The following EPO variants were observed in gnomAD, a reference collection of about 807,000 sequenced individuals.
EPO encodes epoetin.
Under a neutral mutation model 24.4 loss-of-function variants are expected in EPO, and 12 were observed. The observed-to-expected ratio is 0.49, with a 90% CI of 0.32 to 0.80. EPO has a LOEUF of 0.80. Among genes scored for constraint, EPO ranks in the 30% least tolerant of loss-of-function variants. The probability of loss-of-function intolerance (pLI) is 0.04; values close to 1 mark genes in which losing one functional copy is unlikely to be tolerated. For synonymous variants in EPO, 107 were observed against 104.0 expected (o/e 1.03, Z -0.18); for missense variants, 210 against 238.0 (o/e 0.88, Z 0.77).
In EPO at chr7:100,720,767, C is replaced by T. The variant is rs967188034; in HGVS notation, c.-214C>T. The T allele has an allele frequency of 6.3e-6, 3 of 472,690 alleles. No homozygotes were observed. The highest frequency in any genetic ancestry group is 2.0e-5 in the African/African-American group (1 of 49,176). 29.3% of individuals were successfully genotyped at this position (472,690 alleles called of 1,614,324 possible). A position where few individuals can be genotyped will look rare whatever the true frequency, so the allele number is the denominator to read the frequency against. ...CGCAGAGTCCCTGGGCCACCCCGGCCGCTCGCTGCGCTGCGCCGCACCGCG... is the reference window on the plus strand; with the variant it reads ...CGCAGAGTCCCTGGGCCACCCCGGCTGCTCGCTGCGCTGCGCCGCACCGCG... On this transcript the variant is annotated 5_prime_UTR_variant, in exon 1 of 5. Coordinates refer to ENST00000252723, the MANE Select transcript of EPO (RefSeq NM_000799.4).
In EPO at chr7:100,720,738, G is replaced by A; in HGVS notation, c.-243G>A. The stretch of plus-strand genomic sequence containing the variant: ...AGATAACAGCCCCGACCCCCGGCCA[G>A]AGCCGCAGAGTCCCTGGGCCACCCC... On this transcript the variant is annotated 5_prime_UTR_variant, in exon 1 of 5. Coordinates refer to ENST00000252723, the MANE Select transcript of EPO (RefSeq NM_000799.4). The A allele has an allele frequency of 2.8e-6, 1 of 353,564 alleles. No individual in the cohort carries two copies. Among genetic ancestry groups the A allele is most frequent in the Non-Finnish European group, 4.9e-6 (1 of 202,918 alleles). 21.9% of individuals were successfully genotyped at this position (353,564 alleles called of 1,614,324 possible).
Position 100,723,394 on chromosome 7 carries a change from C to T in EPO, c.*261C>T. The T allele has an allele frequency of 2.5e-6, 1 of 405,762 alleles. No individual in the cohort carries two copies. The highest frequency in any genetic ancestry group is 4.4e-6 in the Non-Finnish European group (1 of 225,362). 25.1% of individuals were successfully genotyped at this position (405,762 alleles called of 1,614,324 possible). A position where few individuals can be genotyped will look rare whatever the true frequency, so the allele number is the denominator to read the frequency against. On this transcript the variant is annotated 3_prime_UTR_variant, in exon 5 of 5. Transcript: ENST00000252723. The stretch of plus-strand genomic sequence containing the variant: ...CAGAGAGCAGCTTTAAACTCAGGGA[C>T]AGAGCCATGCTGGGAAGACGCCTGA...
rs1295845727 is a variant in EPO, at chr7:100,722,719, T to C, written c.302T>C (p.Val101Ala). 1.2e-6 allele frequency: 2 copies of C among 1,613,228 alleles called. No individual in the cohort carries two copies. The highest frequency in any genetic ancestry group is 1.7e-6 in the Non-Finnish European group (2 of 1,179,938). ...WQGLALLSEA[V>A]LRGQALLVNS... ...GGCCTGGCCCTGCTGTCGGAAGCTG[T>C]CCTGCGGGGCCAGGCCCTGTTGGTC... The change falls in exon 4 of 5, where the codon GTC becomes GCC. Residue 101 changes from valine (V) to alanine (A), a missense_variant. Val to Ala is a moderately conservative substitution (Grantham distance 64). Coordinates refer to ENST00000252723, the MANE Select transcript of EPO (RefSeq NM_000799.4).
rs1584530955 is a variant in EPO, at chr7:100,721,429, C to T, written c.14-129C>T. Reference sequence around the variant, plus strand: ...TTGAATGAAGGCCAGGGAGGCAGCACCTGAGTGCTTGCATGGTTGGGGACA... The same window carrying T: ...TTGAATGAAGGCCAGGGAGGCAGCATCTGAGTGCTTGCATGGTTGGGGACA... On this transcript the variant is annotated intron_variant, in intron 1 of 4. Coordinates refer to ENST00000252723, the MANE Select transcript of EPO (RefSeq NM_000799.4). This position sits in a 1 kb window ranked among gnomAD's most constrained non-coding sequence, Gnocchi z 4.0. 4.2e-5 allele frequency: 52 copies of T among 1,249,780 alleles called. 1 individual carries two copies. Among genetic ancestry groups the T allele is most frequent in the South Asian group, 3.4e-4 (23 of 67,900 alleles). The allele number at this position is 1,249,780 out of a possible 1,614,324, so 77.4% of individuals were successfully genotyped here. A position where few individuals can be genotyped will look rare whatever the true frequency, so the allele number is the denominator to read the frequency against.
Position 100,721,491 on chromosome 7 carries a change from G to T in EPO, c.14-67G>T, listed in dbSNP as rs1806738939. The T allele has an allele frequency of 6.4e-7, 1 of 1,569,976 alleles. No individual in the cohort carries two copies. Among genetic ancestry groups the T allele is most frequent in the African/African-American group, 1.3e-5 (1 of 74,162 alleles). On this transcript the variant is annotated intron_variant, in intron 1 of 4. Coordinates refer to ENST00000252723, the MANE Select transcript of EPO (RefSeq NM_000799.4). The surrounding 1 kb of genome is among the most constrained non-coding windows in gnomAD (Gnocchi z 4.0). The stretch of plus-strand genomic sequence containing the variant: ...CTGGGGCAGAGACGTGGGGATGAAG[G>T]AAGCTGTCCTTCCACAGCCACCCTT...
At position 100,721,679 on chromosome 7, in the gene EPO, G is replaced by A; in HGVS notation, c.135G>A (p.Glu45=). 1.2e-6 allele frequency: 2 copies of A among 1,611,474 alleles called. No individual in the cohort carries two copies. The highest frequency in any genetic ancestry group is 1.7e-6 in the Non-Finnish European group (2 of 1,179,966). The change falls in exon 2 of 5, where the codon GAG becomes GAA. Residue 45 remains glutamate (E), a synonymous_variant. Coordinates refer to ENST00000252723, the MANE Select transcript of EPO (RefSeq NM_000799.4). This position sits in a 1 kb window ranked among gnomAD's most constrained non-coding sequence, Gnocchi z 4.0. ...GAGTCCTGGAGAGGTACCTCTTGGA[G>A]GCCAAGGAGGCCGAGAATATCACGG... ...DSRVLERYLL[E]AKEAENITTG...
chr7:100,722,142 A>G (rs989936305), intron 3 of EPO, 94 bp downstream of exon 3: 17 of 1,202,586 alleles, frequency 1.4e-5, no homozygotes, highest in Middle Eastern at 2.0e-4. Context: ...AGGGAAAGGT[A>G]AAATGGAGCA....
Position 100,723,101 on chromosome 7 carries a change from A to G in EPO, c.550A>G (p.Thr184Ala). ...NFLRGKLKLYTGEACRTGDR is the reference protein window; with the variant it reads ...NFLRGKLKLYAGEACRTGDR ...CCTCCGGGGAAAGCTGAAGCTGTAC[A>G]CAGGGGAGGCCTGCAGGACAGGGGA... Residue 184 changes from threonine to alanine, a missense_variant, in exon 5 of 5, where the codon ACA (threonine) becomes GCA (alanine). Transcript: ENST00000252723. 6.2e-7 allele frequency: 1 copy of G among 1,614,104 alleles called. No homozygotes were observed. The highest frequency in any genetic ancestry group is 2.2e-5 in the East Asian group (1 of 44,868).
chr7:100,721,914 G>T lies in EPO; in HGVS notation c.160-48G>T, dbSNP rs570479773. ...CAGATCCTACGGCCTGTGGGCCAGGGCCAGAGCCTTCAGGGACCCTTGACT... is the reference window on the plus strand; with the variant it reads ...CAGATCCTACGGCCTGTGGGCCAGGTCCAGAGCCTTCAGGGACCCTTGACT... On this transcript the variant is annotated intron_variant, in intron 2 of 4. Coordinates refer to ENST00000252723, the MANE Select transcript of EPO (RefSeq NM_000799.4). This position sits in a 1 kb window ranked among gnomAD's most constrained non-coding sequence, Gnocchi z 4.0. 8.9e-6 allele frequency: 14 copies of T among 1,581,776 alleles called. No individual in the cohort carries two copies. Among genetic ancestry groups the T allele is most frequent in the Non-Finnish European group, 1.1e-5 (13 of 1,167,238 alleles).
At position 100,723,124 on chromosome 7, in the gene EPO, G is replaced by A. The variant is rs776269617; in HGVS notation, c.573G>A (p.Gly191=). Residue 191 remains glycine, a synonymous_variant, in exon 5 of 5, where the codon GGG becomes GGA. Transcript: ENST00000252723. The part of the protein sequence containing the change: ...KLYTGEACRT[G]DR ...ACACAGGGGAGGCCTGCAGGACAGGGGACAGATGACCAGGTGTGTCCACCT... is the reference window on the plus strand; with the variant it reads ...ACACAGGGGAGGCCTGCAGGACAGGAGACAGATGACCAGGTGTGTCCACCT... The A allele has an allele frequency of 5.0e-6, 8 of 1,613,676 alleles. No individual in the cohort carries two copies. In the East Asian group the frequency reaches 1.3e-4, roughly 27 times the overall value.
chr7:100,720,531 C>T lies in EPO; in HGVS notation c.-450C>T, dbSNP rs147801087. On this transcript the variant is annotated 5_prime_UTR_variant, in exon 1 of 5. Coordinates refer to ENST00000252723, the MANE Select transcript of EPO (RefSeq NM_000799.4). ...CGCAACCGGCTGCACTCCCCTCCCG[C>T]GACCCAGGGCCCGGGAGCAGCCCCC... Among the ~76,000 whole-genome samples, 1,204 of 152,220 alleles carry T rather than the reference C, an allele frequency of 7.9e-3. 16 individuals carry two copies. Among genetic ancestry groups the T allele is most frequent in the African/African-American group, 0.027 (1,119 of 41,542 alleles).
In EPO at chr7:100,721,546, T is replaced by C; in HGVS notation, c.14-12T>C. On this transcript the variant is annotated splice_polypyrimidine_tract_variant and intron_variant, in intron 1 of 4. Coordinates refer to ENST00000252723, the MANE Select transcript of EPO (RefSeq NM_000799.4). This position sits in a 1 kb window ranked among gnomAD's most constrained non-coding sequence, Gnocchi z 4.0. Reference sequence around the variant, plus strand: ...CTCCCCGCCTGACTCTCAGCCTGGCTATCTGTTCTAGAATGTCCTGCCTGG... The same window carrying C: ...CTCCCCGCCTGACTCTCAGCCTGGCCATCTGTTCTAGAATGTCCTGCCTGG... 1.2e-6 allele frequency: 2 copies of C among 1,612,012 alleles called. No homozygotes were observed.
rs757521071 is a variant in EPO at position 100,720,945 on chromosome 7, C to A, written c.-36C>A. 8 of 1,548,974 alleles carry A rather than the reference C, an allele frequency of 5.2e-6. No homozygotes were observed. The East Asian group carries it at 1.5e-4, about 29-fold the overall frequency. ...GCCCCCGGTGTGGTCACCCGGCGCG[C>A]CCCAGGTCGCTGAGGGACCCCGGCC... On this transcript the variant is annotated 5_prime_UTR_variant, in exon 1 of 5. Transcript: ENST00000252723.
In EPO at chr7:100,720,872, C is replaced by G. The variant is rs1225531738; in HGVS notation, c.-109C>G. ...GCCCCCTGGACAGCCGCCCTCTCCT[C>G]CAGGCCCGTGGGGCTGGCCCTGCAC... On this transcript the variant is annotated 5_prime_UTR_variant, in exon 1 of 5. Coordinates refer to ENST00000252723, the MANE Select transcript of EPO (RefSeq NM_000799.4). The G allele has an allele frequency of 4.5e-6, 6 of 1,336,766 alleles. No individual in the cohort carries two copies. Among genetic ancestry groups the G allele is most frequent in the Admixed American group, 3.4e-5 (1 of 29,312 alleles). The allele number at this position is 1,336,766 out of a possible 1,614,324, so 82.8% of individuals were successfully genotyped here.
At position 100,721,046 on chromosome 7, in the gene EPO, G is replaced by T; in HGVS notation, c.13+53G>T. The T allele has an allele frequency of 6.6e-7, 1 of 1,515,760 alleles. No individual in the cohort carries two copies. Among genetic ancestry groups the T allele is most frequent in the South Asian group, 1.2e-5 (1 of 80,410 alleles). 93.9% of individuals were successfully genotyped at this position (1,515,760 alleles called of 1,614,324 possible). A position where few individuals can be genotyped will look rare whatever the true frequency, so the allele number is the denominator to read the frequency against. ...GCCCGCCCGGGTCCCTGTTTGAGCG[G>T]GGATTTAGCGCCCCGGCTATTGGCC... On this transcript the variant is annotated intron_variant, in intron 1 of 4. Transcript: ENST00000252723. This position sits in a 1 kb window ranked among gnomAD's most constrained non-coding sequence, Gnocchi z 4.0.
Position 100,721,086 on chromosome 7 carries a change from T to TTCAAGGACAGGCGACTTG in EPO, c.13+101_13+102insAGGCGACTTGTCAAGGAC. 8.9e-7 allele frequency: 1 copy of TTCAAGGACAGGCGACTTG among 1,126,392 alleles called. No individual in the cohort carries two copies. The highest frequency in any genetic ancestry group is 2.3e-4 in the Middle Eastern group (1 of 4,330). The allele number at this position is 1,126,392 out of a possible 1,614,324, so 69.8% of individuals were successfully genotyped here. On this transcript the variant is annotated intron_variant, in intron 1 of 4. Coordinates refer to ENST00000252723, the MANE Select transcript of EPO (RefSeq NM_000799.4). The surrounding 1 kb of genome is among the most constrained non-coding windows in gnomAD (Gnocchi z 4.0). ...GGCTATTGGCCAGGAGGTGGCTGGGTTCAAGGACCGGCGACTTGTCAAGGA... is the reference window on the plus strand; with the variant it reads ...GGCTATTGGCCAGGAGGTGGCTGGGTTCAAGGACAGGCGACTTGTCAAGGACCGGCGACTTGTCAAGGA...
In EPO at chr7:100,721,868, C is replaced by G; in HGVS notation, c.160-94C>G. ...GGTGGCCCCAAACCATACCTGGAAA[C>G]TAGGCAAGGAGCAAAGCCAGCAGAT... On this transcript the variant is annotated intron_variant, in intron 2 of 4. Transcript: ENST00000252723. The surrounding 1 kb of genome is among the most constrained non-coding windows in gnomAD (Gnocchi z 4.0). The G allele has an allele frequency of 2.6e-6, 4 of 1,528,314 alleles. No individual in the cohort carries two copies. The highest frequency in any genetic ancestry group is 3.5e-6 in the Non-Finnish European group (4 of 1,131,710). 94.7% of individuals were successfully genotyped at this position (1,528,314 alleles called of 1,614,324 possible).
At position 100,722,771 on chromosome 7, in the gene EPO, G is replaced by A. The variant is rs1806766330; in HGVS notation, c.354G>A (p.Leu118=). Residue 118 remains leucine (L), a synonymous_variant, in exon 4 of 5, where the codon CTG becomes CTA. Transcript: ENST00000252723. ...LVNSSQPWEP[L]QLHVDKAVSG... is the part of the protein sequence containing the mutation. ...ACTCTTCCCAGCCGTGGGAGCCCCT[G>A]CAGCTGCATGTGGATAAAGCCGTCA... 1.2e-6 allele frequency: 2 copies of A among 1,613,928 alleles called. No individual in the cohort carries two copies. The highest frequency in any genetic ancestry group is 1.7e-6 in the Non-Finnish European group (2 of 1,180,002).
rs1331606076 is a variant in EPO at position 100,721,131 on chromosome 7, G to A, written c.13+138G>A. 6 of 377,194 alleles carry A rather than the reference G, an allele frequency of 1.6e-5. No individual in the cohort carries two copies. The highest frequency in any genetic ancestry group is 2.5e-5 in the Non-Finnish European group (5 of 202,610). 23.4% of individuals were successfully genotyped at this position (377,194 alleles called of 1,614,324 possible). On this transcript the variant is annotated intron_variant, in intron 1 of 4. Transcript: ENST00000252723. The surrounding 1 kb of genome is among the most constrained non-coding windows in gnomAD (Gnocchi z 4.0). ...CAAGGACCCCGGAAGGGGGAGGGGG[G>A]TGGGGCAGCCTCCACGTGCCAGCGG... is the stretch of plus-strand genomic sequence containing the variant.
Sources: gnomAD v4.1 joint callset for allele counts (sites outside exome capture counted in the v4.1 genomes callset) on GRCh38, gnomAD v4.1.1 for gene constraint, Gnocchi (gnomAD v3.1) non-coding constraint, MANE v1.5 for transcripts, NCBI Gene and HGNC (gene_info 2026-07-23, HGNC 2026-07-21) for gene names.